The following PDE4B variants were observed in gnomAD, a reference collection of about 807,000 sequenced individuals.
The protein encoded by PDE4B is phosphodiesterase 4B, also known as 3',5'-cyclic-AMP phosphodiesterase 4B.
PDE4B carries 20 observed loss-of-function variants against 82.2 expected under a neutral mutation model. That is an observed-to-expected ratio of 0.24 (90% CI 0.17 to 0.35). PDE4B has a LOEUF of 0.35. Among genes scored for constraint, PDE4B ranks in the 10% least tolerant of loss-of-function variants. The pLI, the probability that PDE4B is intolerant of heterozygous loss-of-function variation, is 1.00. For synonymous variants in PDE4B, 320 were observed against 318.9 expected (o/e 1.00, Z -0.04); for missense variants, 655 against 907.2 (o/e 0.72, Z 3.57).
chr1:66,037,250 T>A lies in PDE4B; in HGVS notation c.281+118415T>A, dbSNP rs1654117764. Among the ~76,000 whole-genome samples, 2 of 152,188 alleles carry A rather than the reference T, an allele frequency of 1.3e-5. 1 individual carries two copies. The highest frequency in any genetic ancestry group is 4.1e-4 in the South Asian group (2 of 4,830). ...GGTAATATGGACCTTTTAAAAATAT[T>A]AATTCTTCCAGTCTATAAACATGGG... On this transcript the variant is annotated intron_variant, in intron 3 of 16. Coordinates refer to ENST00000341517, the MANE Select transcript of PDE4B (RefSeq NM_002600.4).
chr1:66,228,990 T>C lies in PDE4B; in HGVS notation c.282-18470T>C, dbSNP rs183407539. On this transcript the variant is annotated intron_variant, in intron 3 of 16. Transcript: ENST00000341517. ...CAATTTCATAAGGTCTGACCTAATA[T>C]TGGGGAAGGAACATCTTCCCCAGAG... is the stretch of plus-strand genomic sequence containing the variant. Among the ~76,000 whole-genome samples, 82 of 146,626 alleles carry C rather than the reference T, an allele frequency of 5.6e-4. No homozygotes were observed. In the East Asian group the frequency reaches 0.017, roughly 31 times the overall value.
intron 3 of PDE4B, among the ~76,000 whole-genome samples, chr1:66,068,706 T>C (rs1006427789): frequency 2.0e-5 from 3 of 151,926 alleles, no homozygotes; most frequent in Non-Finnish European, 2.9e-5. Context: ...TATAAGGCCA[T>C]TACAATATAG....
chr1:66,363,264 C>G lies in PDE4B; in HGVS notation c.1117C>G (p.Gln373Glu). The change falls in exon 11 of 17, where the codon CAG becomes GAG. Residue 373 changes from glutamine (Q) to glutamate (E), a missense_variant and splice_region_variant. Physicochemically the swap from Gln to Glu is conservative, Grantham distance 29 (BLOSUM62 2). Transcript: ENST00000341517. ...PLTCIMYAIF[Q>E]ERDLLKTFRI... ...AACATGCATCATGTATGCTATATTC[C>G]AGGTGAGTGAACAGGAGTGAATACT... is the stretch of plus-strand genomic sequence containing the variant. The G allele has an allele frequency of 1.2e-6, 2 of 1,602,338 alleles. No homozygotes were observed. Among genetic ancestry groups the G allele is most frequent in the Non-Finnish European group, 1.7e-6 (2 of 1,169,974 alleles).
At chr1:66,109,390 G>A (rs1645435716) in intron 3 of PDE4B, among the ~76,000 whole-genome samples, 1 of 151,814 alleles carries the variant, frequency 6.6e-6, no homozygotes, top group African/African-American at 2.4e-5. Context: ...AAGCTGGAGA[G>A]ATGAGGATGG....
intron 3 of PDE4B, among the ~76,000 whole-genome samples, chr1:66,071,220 G>C (rs899497654): frequency 2.6e-5 from 4 of 152,006 alleles, no homozygotes; most frequent in Non-Finnish European, 2.9e-5. Context: ...TAAATTTTGA[G>C]ATCCTTTTTA....
chr1:66,017,774 C>T (rs1652859777), intron 3 of PDE4B, among the ~76,000 whole-genome samples: 1 of 152,042 alleles, frequency 6.6e-6, no homozygotes, highest in Non-Finnish European at 1.5e-5. Context: ...TCCCTGACTA[C>T]AACTATTTGT....
chr1:66,009,266 A>G (rs1652331013), intron 3 of PDE4B, among the ~76,000 whole-genome samples: 1 of 152,154 alleles, frequency 6.6e-6, no homozygotes, highest in Non-Finnish European at 1.5e-5. Flanking sequence ...CAACATTCAC[A>G]AGGAAGCGAG....
intron 7 of PDE4B, among the ~76,000 whole-genome samples, chr1:66,273,146 G>A (rs563000829): frequency 3.3e-5 from 5 of 152,214 alleles, no homozygotes; most frequent in African/African-American, 9.6e-5. Flanking sequence ...GTCTCACCAG[G>A]CATGCAAAAG....
At chr1:65,918,240 A>G (rs1217478935) in intron 2 of PDE4B, among the ~76,000 whole-genome samples, 1 of 152,242 alleles carries the variant, frequency 6.6e-6, no homozygotes, top group African/African-American at 2.4e-5. Context: ...CAGAACGATA[A>G]CATTGATTTC....
intron 7 of PDE4B, among the ~76,000 whole-genome samples, chr1:66,282,625 GA>G: frequency 6.6e-6 from 1 of 152,336 alleles, no homozygotes; most frequent in Non-Finnish European, 1.5e-5. Flanking sequence ...TGACTTAAAT[GA>G]AAGAGCACTG....
At chr1:66,346,156 T>C (rs1259751862) in intron 8 of PDE4B, among the ~76,000 whole-genome samples, 1 of 152,238 alleles carries the variant, frequency 6.6e-6, no homozygotes, top group South Asian at 2.1e-4. Context: ...AGCCTAATTA[T>C]CTGCCATCAT....
At chr1:65,851,061 A>G (rs988405880) in intron 1 of PDE4B, among the ~76,000 whole-genome samples, 3 of 152,164 alleles carry the variant, frequency 2.0e-5, no homozygotes, top group African/African-American at 7.2e-5. Flanking sequence ...TCTAGCAACA[A>G]TTAGCTAAAA....
intron 1 of PDE4B, among the ~76,000 whole-genome samples, chr1:65,800,575 T>C (rs1212516961): frequency 6.6e-6 from 1 of 152,208 alleles, no homozygotes; most frequent in African/African-American, 2.4e-5. Context: ...AAGGCCAGCT[T>C]ATGATAATCT....
chr1:65,893,536 A>G (rs1646875421), intron 1 of PDE4B, among the ~76,000 whole-genome samples: 1 of 152,116 alleles, frequency 6.6e-6, no homozygotes, highest in South Asian at 2.1e-4. Context: ...ATACTTTTAT[A>G]CTGCTCGTGG....
At chr1:66,110,094 G>C (rs1645450866) in intron 3 of PDE4B, among the ~76,000 whole-genome samples, 1 of 151,946 alleles carries the variant, frequency 6.6e-6, no homozygotes, top group Admixed American at 6.6e-5. Context: ...ATATAAACCT[G>C]ATTACTGTGG....
chr1:66,220,981 A>G (rs1368259489), intron 3 of PDE4B, among the ~76,000 whole-genome samples: 6 of 152,180 alleles, frequency 3.9e-5, no homozygotes, highest in Non-Finnish European at 7.4e-5. Flanking sequence ...TATATAACAT[A>G]TATTAATATT....
At chr1:66,228,061 GCTGTTATTCAAATACA>G (rs1262109252) in intron 3 of PDE4B, among the ~76,000 whole-genome samples, 1 of 152,220 alleles carries the variant, frequency 6.6e-6, no homozygotes, top group East Asian at 1.9e-4. Context: ...TGGCCTACTT[GCTGTTATTCAAATACA>G]CTAGGCATGC....
intron 3 of PDE4B, among the ~76,000 whole-genome samples, chr1:66,131,301 T>A (rs1645937242): frequency 6.6e-6 from 1 of 152,062 alleles, no homozygotes; most frequent in African/African-American, 2.4e-5. Context: ...GGGGCTTTGC[T>A]AATAAGTCAA....
intron 3 of PDE4B, among the ~76,000 whole-genome samples, chr1:66,148,096 C>T (rs143223850): frequency 4.1e-4 from 63 of 152,046 alleles, no homozygotes; most frequent in Non-Finnish European, 7.5e-4. Flanking sequence ...ATGGCAAAAC[C>T]CTGTGTGTAC....
Sources: gnomAD v4.1 joint callset for allele counts (sites outside exome capture counted in the v4.1 genomes callset) on GRCh38, gnomAD v4.1.1 for gene constraint, MANE v1.5 for transcripts, NCBI Gene and HGNC (gene_info 2026-07-23, HGNC 2026-07-21) for gene names.